The following NELL1 variants were observed in gnomAD, a reference collection of about 807,000 sequenced individuals.
NELL1 encodes the protein neural EGFL like 1, also known as protein kinase C-binding protein NELL1.
A neutral mutation model predicts 107.4 loss-of-function variants in NELL1; 76 were observed. The ratio of observed to expected loss-of-function variants is 0.71; its 90% CI spans 0.59 to 0.86. The LOEUF is 0.86. Among genes scored for constraint, NELL1 ranks in the 40% least tolerant of loss-of-function variants. NELL1 has a pLI of 0.00. For missense variants in NELL1, 1,024 were observed against 1,005.5 expected, an observed-to-expected ratio of 1.02 and a Z score of -0.25; for synonymous variants, 353 against 341.2, an observed-to-expected ratio of 1.03 and a Z score of -0.38.
rs543282235 is a variant in NELL1 at position 21,410,715 on chromosome 11, G to A, written c.1645+39767G>A. On this transcript the variant is annotated intron_variant, in intron 15 of 19. Transcript: ENST00000357134. ...CTGTTTGATCACAAAAATGATTTGC[G>A]TCTCCTTATCTCAGTGGAGAGAATA... Among the ~76,000 whole-genome samples, 90 of 151,934 alleles carry A rather than the reference G, an allele frequency of 5.9e-4. 1 individual carries two copies. In the South Asian group the frequency reaches 0.014, roughly 24 times the overall value.
At chr11:21,210,827 T>G (rs1857482883) in intron 13 of NELL1, among the ~76,000 whole-genome samples, 2 of 152,166 alleles carry the variant, frequency 1.3e-5, no homozygotes, top group African/African-American at 4.8e-5. Flanking sequence ...AGCTCTTCTC[T>G]TTAGAGTTCC....
chr11:21,479,464 C>G (rs1439048899), intron 15 of NELL1, among the ~76,000 whole-genome samples: 1 of 152,062 alleles, frequency 6.6e-6, no homozygotes, highest in Non-Finnish European at 1.5e-5. Flanking sequence ...CATATTCTCA[C>G]TTATTTTGAG....
chr11:20,742,852 C>T (rs914484237), intron 2 of NELL1, among the ~76,000 whole-genome samples: 2 of 152,152 alleles, frequency 1.3e-5, no homozygotes, highest in Non-Finnish European at 2.9e-5. Flanking sequence ...TAACCCATAG[C>T]AGTGCTTTTT....
intron 5 of NELL1, among the ~76,000 whole-genome samples, chr11:20,889,667 C>G (rs951893888): frequency 3.3e-5 from 5 of 152,132 alleles, no homozygotes; most frequent in Non-Finnish European, 5.9e-5. Flanking sequence ...TCACCATCAA[C>G]CAAAATATCC....
rs1399833709 is a variant in NELL1, at chr11:20,919,237, A to G, written c.677-15A>G. The G allele has an allele frequency of 8.7e-6, 13 of 1,488,054 alleles. No homozygotes were observed. Among genetic ancestry groups the G allele is most frequent in the African/African-American group, 2.8e-5 (2 of 71,618 alleles). 92.2% of individuals were successfully genotyped at this position (1,488,054 alleles called of 1,614,324 possible). A position where few individuals can be genotyped will look rare whatever the true frequency, so the allele number is the denominator to read the frequency against. Reference sequence around the variant, plus strand: ...CACAATATAAATATATATGTTTTATATTTTCTTTATTGAGCTTGCCCAACC... The same window carrying G: ...CACAATATAAATATATATGTTTTATGTTTTCTTTATTGAGCTTGCCCAACC... On this transcript the variant is annotated splice_polypyrimidine_tract_variant and intron_variant, in intron 6 of 19. Coordinates refer to ENST00000357134, the MANE Select transcript of NELL1 (RefSeq NM_006157.5).
At chr11:20,995,295 C>T (rs1034699930) in intron 12 of NELL1, among the ~76,000 whole-genome samples, 16 of 152,208 alleles carry the variant, frequency 1.1e-4, no homozygotes, top group African/African-American at 3.6e-4. Flanking sequence ...AAAAAATCAG[C>T]TTCTGGCTGG....
intron 4 of NELL1, among the ~76,000 whole-genome samples, chr11:20,867,997 A>G (rs1849126661): frequency 6.6e-6 from 1 of 152,216 alleles, no homozygotes; most frequent in South Asian, 2.1e-4. Context: ...GGAAGAGAAG[A>G]AAGAGGATGT....
At chr11:21,126,556 G>T (rs1004213530) in intron 13 of NELL1, among the ~76,000 whole-genome samples, 4 of 152,052 alleles carry the variant, frequency 2.6e-5, no homozygotes, top group African/African-American at 9.7e-5. Flanking sequence ...CAAGAAAGAC[G>T]ATTGGGTTTT....
chr11:21,358,805 A>G (rs1851006772), intron 14 of NELL1, among the ~76,000 whole-genome samples: 1 of 151,808 alleles, frequency 6.6e-6, no homozygotes, highest in Admixed American at 6.6e-5. Flanking sequence ...CATTGTTGAT[A>G]TGTACCAGTG....
chr11:20,965,025 A>G (rs1295794474), intron 12 of NELL1, among the ~76,000 whole-genome samples: 1 of 152,132 alleles, frequency 6.6e-6, no homozygotes, highest in Non-Finnish European at 1.5e-5. Flanking sequence ...AGCCTACGAT[A>G]TGTCTCCCTG....
intron 15 of NELL1, among the ~76,000 whole-genome samples, chr11:21,508,238 A>G (rs1165383517): frequency 6.6e-6 from 1 of 152,220 alleles, no homozygotes; most frequent in Non-Finnish European, 1.5e-5. Context: ...AAAATAAATA[A>G]TGTATGTTAA....
intron 4 of NELL1, among the ~76,000 whole-genome samples, chr11:20,867,879 G>A (rs761402879): frequency 6.6e-6 from 1 of 152,140 alleles, no homozygotes; most frequent in African/African-American, 2.4e-5. Flanking sequence ...ATATTAGAAA[G>A]AGTCTCAAAA....
intron 17 of NELL1, among the ~76,000 whole-genome samples, chr11:21,561,854 C>A (rs1380524334): frequency 6.6e-6 from 1 of 151,974 alleles, no homozygotes; most frequent in East Asian, 1.9e-4. Context: ...ATGGTGCTGA[C>A]TCAAAGGGCA....
At chr11:20,695,554 T>C (rs1854592363) in intron 2 of NELL1, among the ~76,000 whole-genome samples, 1 of 151,900 alleles carries the variant, frequency 6.6e-6, no homozygotes, top group Non-Finnish European at 1.5e-5. Context: ...GATGATCATA[T>C]GGTTTCTGTT....
intron 2 of NELL1, among the ~76,000 whole-genome samples, chr11:20,731,140 A>T (rs1025345522): frequency 3.3e-5 from 5 of 152,098 alleles, no homozygotes; most frequent in Admixed American, 1.3e-4. Flanking sequence ...ACACTACTTA[A>T]CATTGCTGTT....
At chr11:20,896,919 A>G (rs1400828120) in intron 5 of NELL1, among the ~76,000 whole-genome samples, 4 of 152,214 alleles carry the variant, frequency 2.6e-5, no homozygotes, top group African/African-American at 9.6e-5. Context: ...AAGAGGATAC[A>G]AACAAATGGA....
intron 14 of NELL1, among the ~76,000 whole-genome samples, chr11:21,263,755 T>G (rs1791830): frequency 2.6e-5 from 4 of 151,776 alleles, no homozygotes; most frequent in African/African-American, 9.7e-5. Flanking sequence ...GCAAAACAAA[T>G]TGTTTCTTGG....
chr11:21,541,416 T>C (rs776349699), intron 16 of NELL1, among the ~76,000 whole-genome samples: 1 of 152,142 alleles, frequency 6.6e-6, no homozygotes, highest in African/African-American at 2.4e-5. Context: ...CTGAAATCCC[T>C]TGGGAAAGAA....
intron 2 of NELL1, among the ~76,000 whole-genome samples, chr11:20,771,856 G>A (rs547215709): frequency 1.6e-4 from 24 of 152,246 alleles, no homozygotes; most frequent in African/African-American, 5.8e-4. Flanking sequence ...CTAATTTAAT[G>A]AAAACCCATT....
Sources: gnomAD v4.1 joint callset for allele counts (sites outside exome capture counted in the v4.1 genomes callset) on GRCh38, gnomAD v4.1.1 for gene constraint, MANE v1.5 for transcripts, NCBI Gene and HGNC (gene_info 2026-07-23, HGNC 2026-07-21) for gene names.